GAB1: variants seen among roughly 807,000 people sequenced by gnomAD.
GAB1 encodes GRB2 associated binding protein 1, also known as GRB2-associated-binding protein 1.
GAB1 carries 19 observed loss-of-function variants against 66.5 expected under a neutral mutation model. That is an observed-to-expected ratio of 0.29 (90% confidence interval 0.20 to 0.42). GAB1 has a LOEUF of 0.42. Ranked by LOEUF, GAB1 falls within the 10% of genes least tolerant of loss-of-function variation. The pLI, the probability that GAB1 is intolerant of heterozygous loss-of-function variation, is 1.00. For missense variants in GAB1, 732 were observed against 858.5 expected (o/e 0.85, Z 1.84); for synonymous variants, 294 against 301.4 (o/e 0.98, Z 0.25).
rs1025312631 is a variant in GAB1, at chr4:143,362,584, T to G, written c.72+25324T>G. On this transcript the variant is annotated intron_variant, in intron 1 of 9. Transcript: ENST00000262994. The stretch of plus-strand genomic sequence containing the variant: ...CCCCTTTTAAAAAGACCCTAAGGGG[T>G]AACTCCTGATGTTGCCATGGCATTT... Among the ~76,000 whole-genome samples the G allele has an allele frequency of 2.0e-5, 3 of 152,158 alleles. No homozygotes were observed. In the East Asian group the frequency reaches 5.8e-4, roughly 29 times the overall value.
intron 1 of GAB1, among the ~76,000 whole-genome samples, chr4:143,350,553 CT>C: frequency 6.6e-6 from 1 of 151,838 alleles, no homozygotes; most frequent in African/African-American, 2.4e-5. Flanking sequence ...TGGTGCATGC[CT>C]GTAATTCTAG....
Position 143,474,240 on chromosome 4 carries a change from G to T in GAB1, c.*5051G>T, listed in dbSNP as rs1736185334. On this transcript the variant is annotated 3_prime_UTR_variant, in exon 10 of 10. Transcript: ENST00000262994. ...GATGTTTCTATACTTCATTAGAAAAGATTTTATTACTATTACTTATGGTTA... is the reference window on the plus strand; with the variant it reads ...GATGTTTCTATACTTCATTAGAAAATATTTTATTACTATTACTTATGGTTA... 2.6e-5 allele frequency: 4 copies of T among 152,098 alleles called. No homozygotes were observed. The South Asian group carries it at 8.3e-4, about 32-fold the overall frequency. The allele number at this position is 152,098 out of a possible 1,614,324, so 9.4% of individuals were successfully genotyped here. A position where few individuals can be genotyped will look rare whatever the true frequency, so the allele number is the denominator to read the frequency against.
At chr4:143,376,148 T>C (rs949394100) in intron 1 of GAB1, among the ~76,000 whole-genome samples, 1 of 152,104 alleles carries the variant, frequency 6.6e-6, no homozygotes, top group Non-Finnish European at 1.5e-5. Context: ...ATACTTATGC[T>C]TTATACCTGC....
chr4:143,376,779 C>T (rs1730437253), intron 1 of GAB1: 1 of 152,160 alleles, frequency 6.6e-6, no homozygotes, highest in African/African-American at 2.4e-5. Context: ...CACTTTGTAC[C>T]TTTTGATTGT....
chr4:143,459,296 C>A, intron 6 of GAB1, 89 bp from the exon 7 acceptor site: 1 of 785,120 alleles, frequency 1.3e-6, no homozygotes, highest in Non-Finnish European at 2.2e-6. Flanking sequence ...CTCTGGCTAT[C>A]AAATATAAAT....
At chr4:143,452,031 C>T (rs550080564) in intron 6 of GAB1, among the ~76,000 whole-genome samples, 5 of 152,236 alleles carry the variant, frequency 3.3e-5, no homozygotes, top group Non-Finnish European at 1.5e-5. Context: ...AATCGTGGTG[C>T]TACATTAAGA....
At chr4:143,405,744 A>G (rs1732009316) in intron 1 of GAB1, among the ~76,000 whole-genome samples, 1 of 152,164 alleles carries the variant, frequency 6.6e-6, no homozygotes, top group Admixed American at 6.5e-5. Flanking sequence ...GCCAAGGTAG[A>G]GTGCTATGAT....
intron 8 of GAB1, among the ~76,000 whole-genome samples, chr4:143,462,924 A>G (rs1292616460): frequency 1.3e-5 from 2 of 152,190 alleles, no homozygotes; most frequent in Non-Finnish European, 2.9e-5. Flanking sequence ...GGCTTCCCAG[A>G]GTGCTGGGAT....
At chr4:143,458,435 C>A (rs540957818) in intron 6 of GAB1, among the ~76,000 whole-genome samples, 4 of 151,966 alleles carry the variant, frequency 2.6e-5, no homozygotes, top group Non-Finnish European at 5.9e-5. Flanking sequence ...TGGACAAAGA[C>A]TATAAATAAA....
chr4:143,375,995 C>G (rs1020652572), intron 1 of GAB1, among the ~76,000 whole-genome samples: 1 of 152,158 alleles, frequency 6.6e-6, no homozygotes, highest in Admixed American at 6.5e-5. Context: ...GGGACAAATG[C>G]CCACCAGAGA....
intron 6 of GAB1, 89 bp downstream of exon 6, chr4:143,440,471 C>G (rs1734169370): frequency 8.2e-7 from 1 of 1,226,544 alleles, no homozygotes; most frequent in South Asian, 1.6e-5. Flanking sequence ...AGAATTTGGA[C>G]TAGAAATTCT....
chr4:143,362,608 T>C (rs796831433), intron 1 of GAB1, among the ~76,000 whole-genome samples: 14 of 152,310 alleles, frequency 9.2e-5, no homozygotes, highest in African/African-American at 3.4e-4. Context: ...GCCATGGCAT[T>C]TGTAAACTGT....
intron 1 of GAB1, chr4:143,394,898 T>C (rs979990107): frequency 6.6e-6 from 1 of 152,172 alleles, no homozygotes; most frequent in Non-Finnish European, 1.5e-5. Context: ...GGGACTCAAG[T>C]AATGGCTTTG....
In GAB1 at chr4:143,433,547, A is replaced by G. The variant is rs376330375; in HGVS notation, c.424A>G (p.Ile142Val). ...AGCACCAGCTGATTTACCTTTAGCT[A>G]TAAATACAGCACCACCATCCACCCA... is the stretch of plus-strand genomic sequence containing the variant. ...LQAPADLPLA[I>V]NTAPPSTQAD... Residue 142 changes from isoleucine (I) to valine (V), a missense_variant, in exon 3 of 10, where the codon ATA becomes GTA. Ile to Val is a conservative substitution (Grantham distance 29, BLOSUM62 3). Coordinates refer to ENST00000262994, the MANE Select transcript of GAB1 (RefSeq NM_002039.4). 5 of 1,613,906 alleles carry G rather than the reference A, an allele frequency of 3.1e-6. No homozygotes were observed. The South Asian group carries it at 4.4e-5, about 14-fold the overall frequency.
At chr4:143,456,589 G>A (rs1282485451) in intron 6 of GAB1, among the ~76,000 whole-genome samples, 1 of 152,078 alleles carries the variant, frequency 6.6e-6, no homozygotes, top group African/African-American at 2.4e-5. Context: ...TTTAAACTCA[G>A]GCTGCCTCAT....
intron 1 of GAB1, among the ~76,000 whole-genome samples, chr4:143,407,433 T>C (rs1355809191): frequency 3.3e-5 from 5 of 152,192 alleles, no homozygotes; most frequent in Non-Finnish European, 7.4e-5. Context: ...TCAAATTTGA[T>C]TTTTTTCCTC....
chr4:143,339,929 G>A (rs576878138), intron 1 of GAB1, among the ~76,000 whole-genome samples: 3 of 152,216 alleles, frequency 2.0e-5, no homozygotes, highest in East Asian at 1.9e-4. Context: ...CTTTACCCAC[G>A]AATAAAGTAG....
intron 1 of GAB1, among the ~76,000 whole-genome samples, chr4:143,368,179 G>GA (rs904538051): frequency 2.0e-3 from 286 of 140,200 alleles, no homozygotes; most frequent in East Asian, 3.0e-3. Context: ...GTTTTTTGAG[G>GA]AAAAAAAAAA....
intron 1 of GAB1, among the ~76,000 whole-genome samples, chr4:143,400,312 A>T (rs78150908): frequency 6.6e-6 from 1 of 152,286 alleles, no homozygotes; most frequent in African/African-American, 2.4e-5. Flanking sequence ...AAGAGCCTGG[A>T]TGGTAGAGTG....
Sources: gnomAD v4.1 joint callset for allele counts (sites outside exome capture counted in the v4.1 genomes callset) on GRCh38, gnomAD v4.1.1 for gene constraint, MANE v1.5 for transcripts, NCBI Gene and HGNC (gene_info 2026-07-23, HGNC 2026-07-21) for gene names.